The following PCLO variants were observed in gnomAD, a reference collection of about 807,000 sequenced individuals.
PCLO encodes the protein protein piccolo.
A neutral mutation model predicts 427.5 loss-of-function variants in PCLO; 82 were observed. That is an observed-to-expected ratio of 0.19 (90% CI 0.16 to 0.23). The LOEUF (loss-of-function observed/expected upper bound fraction) is 0.23, where lower values mean the gene tolerates loss of function less well. PCLO is among the 10% of genes least tolerant of loss of function. The pLI is 1.00. For synonymous variants in PCLO, 2,357 were observed against 2,155.4 expected (o/e 1.09, Z -2.59); for missense variants, 6,239 against 6,115.9 (o/e 1.02, Z -0.67).
chr7:83,090,212 G>C (rs1790344542), intron 3 of PCLO, among the ~76,000 whole-genome samples: 1 of 152,164 alleles, frequency 6.6e-6, no homozygotes, highest in South Asian at 2.1e-4. Flanking sequence ...TGAGGCAGGA[G>C]AATCACTTGA....
intron 3 of PCLO, among the ~76,000 whole-genome samples, chr7:83,031,980 T>C (rs1275381064): frequency 6.6e-6 from 1 of 152,234 alleles, no homozygotes; most frequent in Non-Finnish European, 1.5e-5. Context: ...TTGCATTTGA[T>C]TAGCTACTTT....
chr7:83,151,709 G>A (rs965617806), intron 2 of PCLO, among the ~76,000 whole-genome samples: 1 of 152,044 alleles, frequency 6.6e-6, no homozygotes, highest in Middle Eastern at 3.2e-3. Context: ...CCCACTAATT[G>A]TGATGGTTTC....
chr7:83,115,852 T>A (rs1337795773), intron 3 of PCLO, among the ~76,000 whole-genome samples: 5 of 152,028 alleles, frequency 3.3e-5, no homozygotes, highest in Non-Finnish European at 7.4e-5. Context: ...AACACTGTCA[T>A]ATCATCCCCC....
chr7:83,085,570 G>C (rs945674358), intron 3 of PCLO, among the ~76,000 whole-genome samples: 5 of 152,026 alleles, frequency 3.3e-5, no homozygotes, highest in Admixed American at 1.3e-4. Flanking sequence ...TTCGTATTTC[G>C]GAGTGCCAAA....
At chr7:82,800,743 G>A (rs572162370) in intron 22 of PCLO, among the ~76,000 whole-genome samples, 55 of 151,878 alleles carry the variant, frequency 3.6e-4, no homozygotes, top group African/African-American at 1.3e-3. Context: ...TTACAGGTGC[G>A]TGCCACCACG....
intron 10 of PCLO, among the ~76,000 whole-genome samples, chr7:82,858,421 T>C (rs1792862062): frequency 1.3e-5 from 2 of 152,060 alleles, no homozygotes; most frequent in Non-Finnish European, 2.9e-5. Flanking sequence ...TTCTCACTAA[T>C]TCCATCAACA....
At chr7:83,125,586 C>T (rs1385447595) in intron 3 of PCLO, among the ~76,000 whole-genome samples, 1 of 152,128 alleles carries the variant, frequency 6.6e-6, no homozygotes, top group Admixed American at 6.5e-5. Context: ...TAACCTTACC[C>T]CCAACCCCCT....
intron 6 of PCLO, among the ~76,000 whole-genome samples, chr7:82,938,544 G>T (rs1789346502): frequency 6.6e-6 from 1 of 151,906 alleles, no homozygotes; most frequent in South Asian, 2.1e-4. Flanking sequence ...GGCAGCTTTT[G>T]CCTATATGCT....
intron 3 of PCLO, among the ~76,000 whole-genome samples, chr7:83,051,779 G>A (rs1156289954): frequency 6.6e-6 from 1 of 152,056 alleles, no homozygotes; most frequent in Non-Finnish European, 1.5e-5. Flanking sequence ...AAGTTGAAGG[G>A]CTGTCACGAC....
intron 16 of PCLO, among the ~76,000 whole-genome samples, chr7:82,833,619 A>G (rs1380041341): frequency 6.6e-6 from 1 of 152,208 alleles, no homozygotes; most frequent in Non-Finnish European, 1.5e-5. Flanking sequence ...TTAATATTAA[A>G]GAAAAGTTGT....
At chr7:83,076,933 A>G (rs1403819460) in intron 3 of PCLO, among the ~76,000 whole-genome samples, 1 of 151,762 alleles carries the variant, frequency 6.6e-6, no homozygotes, top group Non-Finnish European at 1.5e-5. Flanking sequence ...TACTCTCGAC[A>G]TTTTTTGAGC....
chr7:82,834,952 TTTTGTTTG>T lies in PCLO; in HGVS notation c.14249+707_14249+714del, dbSNP rs879762811. On this transcript the variant is annotated intron_variant, in intron 16 of 24. Transcript: ENST00000333891. ...AAGTTCAAACACCTATTATCTTTTT[TTTTGTTTG>T]TTTGTTTGTTTGTTTGTTTGTTTTT... Among the ~76,000 whole-genome samples the T allele has an allele frequency of 3.3e-4, 42 of 126,848 alleles. 1 individual carries two copies. The highest frequency in any genetic ancestry group is 6.2e-4 in the South Asian group (2 of 3,202). The allele number at this position is 126,848 out of a possible 152,430, so 83.2% of individuals were successfully genotyped here.
intron 10 of PCLO, among the ~76,000 whole-genome samples, chr7:82,864,561 A>G (rs1248219628): frequency 6.6e-6 from 1 of 152,224 alleles, no homozygotes; most frequent in Non-Finnish European, 1.5e-5. Flanking sequence ...TCATTATTTT[A>G]AAAACATCTT....
At chr7:82,796,147 C>T (rs7787199) in intron 22 of PCLO, among the ~76,000 whole-genome samples, 36,558 of 151,972 alleles carry the variant, frequency 0.24, 5,377 homozygotes, top group Non-Finnish European at 0.33. Flanking sequence ...AGTGGTCAAT[C>T]GATACCCTCC....
chr7:82,849,268 G>C (rs1792586479), intron 10 of PCLO, among the ~76,000 whole-genome samples: 1 of 151,974 alleles, frequency 6.6e-6, no homozygotes, highest in African/African-American at 2.4e-5. Flanking sequence ...GAACTAGTAT[G>C]GTTAATAAAA....
At chr7:83,110,421 G>A (rs370564995) in intron 3 of PCLO, among the ~76,000 whole-genome samples, 114 of 151,828 alleles carry the variant, frequency 7.5e-4, no homozygotes, top group South Asian at 4.4e-3. Flanking sequence ...CTCTTTTCTT[G>A]TTTTCAAAAT....
intron 9 of PCLO, among the ~76,000 whole-genome samples, chr7:82,901,732 A>G (rs1323474112): frequency 6.6e-6 from 1 of 152,134 alleles, no homozygotes; most frequent in Non-Finnish European, 1.5e-5. Flanking sequence ...TTTACAAGCA[A>G]AAAACAAACA....
intron 1 of PCLO, among the ~76,000 whole-genome samples, chr7:83,157,380 CT>C (rs1792328120): frequency 6.6e-6 from 1 of 152,036 alleles, no homozygotes; most frequent in Non-Finnish European, 1.5e-5. Context: ...ATCCATATAT[CT>C]TACTTAGTGT....
At chr7:82,877,375 T>A (rs1207484516) in intron 10 of PCLO, among the ~76,000 whole-genome samples, 3 of 152,172 alleles carry the variant, frequency 2.0e-5, no homozygotes, top group Admixed American at 2.0e-4. Flanking sequence ...AATGTTATTT[T>A]AAAATAAAAA....
Sources: gnomAD v4.1 joint callset for allele counts (sites outside exome capture counted in the v4.1 genomes callset) on GRCh38, gnomAD v4.1.1 for gene constraint, MANE v1.5 for transcripts, NCBI Gene and HGNC (gene_info 2026-07-23, HGNC 2026-07-21) for gene names.